Variants in ARHGAP24 observed in about 807,000 individuals in gnomAD.
ARHGAP24 encodes Rho GTPase activating protein 24.
Under a neutral mutation model 76.4 loss-of-function variants are expected in ARHGAP24, and 50 were observed. That is an observed-to-expected ratio of 0.65 (90% confidence interval 0.52 to 0.83). The LOEUF is 0.83. Among genes scored for constraint, ARHGAP24 ranks in the 40% least tolerant of loss-of-function variants. The probability of loss-of-function intolerance (pLI) is 0.00; values close to 1 mark genes in which losing one functional copy is unlikely to be tolerated. For missense variants in ARHGAP24, 930 were observed against 914.2 expected (o/e 1.02, Z -0.22); for synonymous variants, 345 against 323.3 (o/e 1.07, Z -0.72).
At chr4:85,960,700 A>G (rs1738191808) in intron 5 of ARHGAP24, among the ~76,000 whole-genome samples, 1 of 152,146 alleles carries the variant, frequency 6.6e-6, no homozygotes, top group African/African-American at 2.4e-5. Context: ...ATAGATTAGA[A>G]TTTAGGAAAC....
chr4:85,789,828 T>C (rs1440905575), intron 3 of ARHGAP24, among the ~76,000 whole-genome samples: 1 of 152,170 alleles, frequency 6.6e-6, no homozygotes, highest in African/African-American at 2.4e-5. Context: ...TCTTGAGAAG[T>C]CCTACTCAAC....
intron 2 of ARHGAP24, among the ~76,000 whole-genome samples, chr4:85,719,203 G>T: frequency 6.6e-6 from 1 of 152,128 alleles, no homozygotes; most frequent in East Asian, 1.9e-4. Flanking sequence ...TTATTACAAT[G>T]AGTATCTTCA....
intron 5 of ARHGAP24, among the ~76,000 whole-genome samples, chr4:85,953,218 G>A (rs1737717212): frequency 6.6e-6 from 1 of 152,124 alleles, no homozygotes; most frequent in Admixed American, 6.5e-5. Context: ...AACAACTGCT[G>A]TTTCAGGTCC....
intron 2 of ARHGAP24, among the ~76,000 whole-genome samples, chr4:85,669,162 C>G (rs1722736623): frequency 6.6e-6 from 1 of 152,226 alleles, no homozygotes; most frequent in Middle Eastern, 3.4e-3. Context: ...GTGCTGAGCT[C>G]TCAAAATTCA....
At chr4:85,538,889 A>T (rs1164693891) in intron 1 of ARHGAP24, among the ~76,000 whole-genome samples, 5 of 152,206 alleles carry the variant, frequency 3.3e-5, no homozygotes, top group Non-Finnish European at 2.9e-5. Flanking sequence ...TAAAGGGCCA[A>T]TATTGTAAAT....
chr4:85,536,606 G>A (rs1287201717), intron 1 of ARHGAP24, among the ~76,000 whole-genome samples: 1 of 152,024 alleles, frequency 6.6e-6, no homozygotes, highest in African/African-American at 2.4e-5. Context: ...AGGTATAGAG[G>A]CTTTTGATCA....
intron 1 of ARHGAP24, among the ~76,000 whole-genome samples, chr4:85,523,529 A>C (rs778786963): frequency 1.3e-5 from 2 of 152,192 alleles, no homozygotes; most frequent in Non-Finnish European, 2.9e-5. Context: ...TTATTTGTGC[A>C]GTTGTCAGAC....
At chr4:85,855,444 C>T (rs565808112) in intron 3 of ARHGAP24, among the ~76,000 whole-genome samples, 10 of 152,234 alleles carry the variant, frequency 6.6e-5, no homozygotes, top group South Asian at 2.1e-4. Context: ...TGGTGGCTCA[C>T]GCCTGTAATC....
intron 2 of ARHGAP24, among the ~76,000 whole-genome samples, chr4:85,658,301 T>C (rs898203719): frequency 7.2e-5 from 11 of 152,348 alleles, no homozygotes; most frequent in African/African-American, 2.6e-4. Flanking sequence ...TTTAAAGGAA[T>C]ATGTAGCGGA....
intron 3 of ARHGAP24, among the ~76,000 whole-genome samples, chr4:85,760,381 T>A (rs1404239315): frequency 6.6e-6 from 1 of 152,204 alleles, no homozygotes; most frequent in East Asian, 1.9e-4. Context: ...TTTTGGTTTT[T>A]TGCTCCTTAT....
chr4:85,852,276 G>A (rs545355082), intron 3 of ARHGAP24, among the ~76,000 whole-genome samples: 6 of 152,240 alleles, frequency 3.9e-5, no homozygotes, highest in East Asian at 3.9e-4. Context: ...CGTAGTTCTC[G>A]TGTCATGGTT....
intron 2 of ARHGAP24, among the ~76,000 whole-genome samples, chr4:85,701,521 C>G (rs963914399): frequency 6.6e-6 from 1 of 152,064 alleles, no homozygotes; most frequent in Non-Finnish European, 1.5e-5. Context: ...AAAAACTGTA[C>G]CGTATGCATC....
At chr4:85,838,809 C>G (rs920877519) in intron 3 of ARHGAP24, among the ~76,000 whole-genome samples, 2 of 152,146 alleles carry the variant, frequency 1.3e-5, no homozygotes, top group Non-Finnish European at 2.9e-5. Context: ...CCTCCCTCCC[C>G]CAAGCTAACT....
At chr4:85,722,650 C>G (rs1040896950) in intron 3 of ARHGAP24, 1 of 154,410 alleles carries the variant, frequency 6.5e-6, no homozygotes, top group Non-Finnish European at 1.5e-5. Context: ...TTGACTAACC[C>G]AGCAACAATT....
chr4:85,641,120 A>G (rs1192106482), intron 2 of ARHGAP24, among the ~76,000 whole-genome samples: 6 of 152,128 alleles, frequency 3.9e-5, no homozygotes, highest in Non-Finnish European at 7.4e-5. Context: ...TAATAGAGAC[A>G]GCATCTCACG....
At chr4:85,885,539 T>C (rs1278716183) in intron 3 of ARHGAP24, among the ~76,000 whole-genome samples, 3 of 152,142 alleles carry the variant, frequency 2.0e-5, no homozygotes, top group Non-Finnish European at 1.5e-5. Flanking sequence ...ATTAAGTGTC[T>C]CTGAAAGTTA....
At chr4:85,731,212 C>T (rs1238335201) in intron 3 of ARHGAP24, among the ~76,000 whole-genome samples, 1 of 152,004 alleles carries the variant, frequency 6.6e-6, no homozygotes. Flanking sequence ...ATCTACACTA[C>T]ACTGAGGCCA....
chr4:85,622,100 T>A (rs980876941), intron 2 of ARHGAP24, among the ~76,000 whole-genome samples: 1 of 152,180 alleles, frequency 6.6e-6, no homozygotes, highest in Middle Eastern at 3.4e-3. Context: ...TTTTTAAAAA[T>A]TTTATTATTA....
intron 3 of ARHGAP24, among the ~76,000 whole-genome samples, chr4:85,785,279 T>TA (rs1727778540): frequency 6.6e-6 from 1 of 152,208 alleles, no homozygotes; most frequent in Non-Finnish European, 1.5e-5. Flanking sequence ...CTAGACATTA[T>TA]AAAAATGGAA....
Sources: gnomAD v4.1 joint callset for allele counts (sites outside exome capture counted in the v4.1 genomes callset) on GRCh38, gnomAD v4.1.1 for gene constraint, MANE v1.5 for transcripts, NCBI Gene and HGNC (gene_info 2026-07-23, HGNC 2026-07-21) for gene names.